The following NSUN6 variants were observed in gnomAD, a reference collection of about 807,000 sequenced individuals.
The protein encoded by NSUN6 is NOP2/Sun RNA methyltransferase 6, also known as tRNA (cytosine(72)-C(5))-methyltransferase NSUN6.
A neutral mutation model predicts 58.0 loss-of-function variants in NSUN6; 64 were observed. The ratio of observed to expected loss-of-function variants is 1.10; its 90% CI spans 0.90 to 1.36. NSUN6 has a LOEUF of 1.36. NSUN6 is among the 40% of genes most tolerant of loss of function. NSUN6 has a pLI of 0.00. For synonymous variants in NSUN6, 231 were observed against 193.9 expected, an observed-to-expected ratio of 1.19 and a Z score of -1.59; for missense variants, 701 against 550.1, an observed-to-expected ratio of 1.27 and a Z score of -2.74.
Position 18,560,783 on chromosome 10 carries a change from G to A in NSUN6, c.923-8812C>T, listed in dbSNP as rs116999509. Among the ~76,000 whole-genome samples, 497 of 150,544 alleles carry A rather than the reference G, an allele frequency of 3.3e-3. 4 individuals are homozygous for A. The highest frequency in any genetic ancestry group is 6.0e-3 in the Non-Finnish European group (406 of 67,464). ...GAGAATGGAATGGAGATGGAATAGA[G>A]AATGGAATGGTATGGAGAATGGAGA... On this transcript the variant is annotated intron_variant, in intron 8 of 10. Transcript: ENST00000377304.
chr10:18,603,289 T>A (rs1414008217), intron 6 of NSUN6, among the ~76,000 whole-genome samples: 1 of 152,014 alleles, frequency 6.6e-6, no homozygotes, highest in African/African-American at 2.4e-5. Context: ...ATCAAAACAG[T>A]AGACAGATGG....
At chr10:18,607,059 C>T (rs1448999133) in intron 6 of NSUN6, among the ~76,000 whole-genome samples, 1 of 152,092 alleles carries the variant, frequency 6.6e-6, no homozygotes, top group Non-Finnish European at 1.5e-5. Context: ...AAATAATTTT[C>T]AATATATTAT....
Position 18,651,363 on chromosome 10 carries a change from G to C in NSUN6, c.-160C>G. ...TAATTTCGGAAATGCAGAGGTACAC[G>C]CTTTCTCAAGCCTAGCCGATTAGAA... On this transcript the variant is annotated 5_prime_UTR_variant, in exon 1 of 11. Coordinates refer to ENST00000377304, the MANE Select transcript of NSUN6 (RefSeq NM_182543.5). 7.4e-7 allele frequency: 1 copy of C among 1,351,208 alleles called. No individual in the cohort carries two copies. The highest frequency in any genetic ancestry group is 9.5e-7 in the Non-Finnish European group (1 of 1,057,758). The allele number at this position is 1,351,208 out of a possible 1,614,324, so 83.7% of individuals were successfully genotyped here. A position where few individuals can be genotyped will look rare whatever the true frequency, so the allele number is the denominator to read the frequency against.
intron 6 of NSUN6, among the ~76,000 whole-genome samples, chr10:18,600,735 C>G (rs902465133): frequency 6.6e-6 from 1 of 151,456 alleles, no homozygotes; most frequent in Non-Finnish European, 1.5e-5. Context: ...TGAGACCAGA[C>G]TGGCCAATAT....
intron 2 of NSUN6, among the ~76,000 whole-genome samples, chr10:18,647,238 A>C (rs2059571612): frequency 6.6e-6 from 1 of 152,188 alleles, no homozygotes; most frequent in African/African-American, 2.4e-5. Flanking sequence ...AAATTTTCTA[A>C]ATAACTAAAT....
intron 2 of NSUN6, among the ~76,000 whole-genome samples, chr10:18,644,825 G>C (rs2059494355): frequency 1.3e-5 from 2 of 148,716 alleles, no homozygotes; most frequent in South Asian, 4.3e-4. Flanking sequence ...GGGCGACAGA[G>C]CGAGACTCCG....
At chr10:18,652,894 T>C (rs2059733876), upstream of NSUN6, 8 of 985,082 alleles carry the variant, frequency 8.1e-6, no homozygotes, top group Non-Finnish European at 9.6e-6. Context: ...TCAAGGTTCC[T>C]AGGGTTGAAA....
chr10:18,585,884 CA>C, intron 8 of NSUN6, 64 bp downstream of exon 8: 1 of 1,236,664 alleles, frequency 8.1e-7, no homozygotes, highest in African/African-American at 1.5e-5. Flanking sequence ...CATGTCAAAA[CA>C]TCACACTGTA....
At chr10:18,554,163 T>C (rs554285323) in intron 8 of NSUN6, among the ~76,000 whole-genome samples, 1 of 149,010 alleles carries the variant, frequency 6.7e-6, no homozygotes, top group African/African-American at 2.5e-5. Context: ...GAATGCGGAA[T>C]GGAATGGAAT....
chr10:18,613,662 G>T (rs1000202428), intron 5 of NSUN6, among the ~76,000 whole-genome samples: 1 of 152,076 alleles, frequency 6.6e-6, no homozygotes, highest in African/African-American at 2.4e-5. Flanking sequence ...TTTGTTCTTG[G>T]CCATTTGGAA....
Position 18,616,231 on chromosome 10 carries a change from A to C in NSUN6, c.374T>G (p.Leu125Ter). The change falls in exon 4 of 11, where the codon TTA becomes TGA. Residue 125 changes from leucine to a stop codon, truncating the protein, a stop_gained. Transcript: ENST00000377304. LOFTEE classifies it high-confidence loss of function. ...IVGAQCGNAVLRGAHVYAPGI... is the reference protein window; with the variant it reads ...IVGAQCGNAV ...TGGGGCATAGACATGGGCTCCTCTT[A>C]AAACTGCATTGCCACACTGGGCTCC... 1 of 1,610,522 alleles carries C rather than the reference A, an allele frequency of 6.2e-7. No homozygotes were observed. The highest frequency in any genetic ancestry group is 8.5e-7 in the Non-Finnish European group (1 of 1,176,754).
At chr10:18,558,956 G>T (rs2055266420) in intron 8 of NSUN6, among the ~76,000 whole-genome samples, 1 of 151,214 alleles carries the variant, frequency 6.6e-6, no homozygotes, top group Non-Finnish European at 1.5e-5. Flanking sequence ...AAGGGAGAAT[G>T]GAAGGGAGAA....
At chr10:18,556,028 G>A (rs1336082854) in intron 8 of NSUN6, among the ~76,000 whole-genome samples, 5 of 150,892 alleles carry the variant, frequency 3.3e-5, no homozygotes, top group African/African-American at 4.9e-5. Context: ...AATGAAGACT[G>A]GAATGGAGAA....
chr10:18,647,055 A>G (rs960601803), intron 2 of NSUN6, among the ~76,000 whole-genome samples: 9 of 152,294 alleles, frequency 5.9e-5, no homozygotes, highest in African/African-American at 2.2e-4. Context: ...TAATTATTAT[A>G]CTAAGGTTTG....
chr10:18,588,810 A>G (rs190108458), intron 7 of NSUN6, among the ~76,000 whole-genome samples: 231 of 152,336 alleles, frequency 1.5e-3, no homozygotes, highest in African/African-American at 2.9e-3. Flanking sequence ...GAAGATGAGG[A>G]AATAACAGCA....
chr10:18,600,959 T>TATATATATATATACACAC, intron 6 of NSUN6, among the ~76,000 whole-genome samples: 3 of 64,960 alleles, frequency 4.6e-5, no homozygotes, highest in East Asian at 8.8e-4. Context: ...TATATATATA[T>TATATATATATATACACAC]ACATATATAT....
chr10:18,566,993 G>GCATTC (rs928257621), intron 8 of NSUN6, among the ~76,000 whole-genome samples: 2 of 141,750 alleles, frequency 1.4e-5, no homozygotes, highest in Admixed American at 1.4e-4. Flanking sequence ...ATTCACCACT[G>GCATTC]CATTCCATTC....
intron 9 of NSUN6, among the ~76,000 whole-genome samples, chr10:18,548,834 C>T (rs1301453522): frequency 1.3e-5 from 2 of 152,140 alleles, no homozygotes; most frequent in Non-Finnish European, 2.9e-5. Context: ...TCCTATCTTT[C>T]CAGAATCTCA....
Position 18,651,228 on chromosome 10 carries a change from C to A in NSUN6, c.-25G>T, listed in dbSNP as rs3740102. The A allele has an allele frequency of 0.37, 559,575 of 1,520,360 alleles. 106,892 individuals carry two copies. Among genetic ancestry groups the A allele is most frequent in the East Asian group, 0.72 (29,040 of 40,332 alleles). 94.2% of individuals were successfully genotyped at this position (1,520,360 alleles called of 1,614,324 possible). ...TTTTTCCTGTTGTTTAGTTCTCCACCAAGAGAAATGCTGGAAAACGGTGTT... is the reference window on the plus strand; with the variant it reads ...TTTTTCCTGTTGTTTAGTTCTCCACAAAGAGAAATGCTGGAAAACGGTGTT... On this transcript the variant is annotated 5_prime_UTR_variant, in exon 1 of 11. Coordinates refer to ENST00000377304, the MANE Select transcript of NSUN6 (RefSeq NM_182543.5).
Sources: allele counts gnomAD v4.1 joint callset (sites outside exome capture counted in the v4.1 genomes callset), GRCh38; gene constraint gnomAD v4.1.1; transcripts MANE v1.5; gene names NCBI Gene and HGNC (gene_info 2026-07-23, HGNC 2026-07-21).